ELP4: variants seen among roughly 807,000 people sequenced by gnomAD.
ELP4 encodes elongator complex protein 4.
ELP4 carries 51 observed loss-of-function variants against 48.9 expected under a neutral mutation model. That is an observed-to-expected ratio of 1.04 (90% CI 0.83 to 1.32). The LOEUF (loss-of-function observed/expected upper bound fraction) is 1.32, where lower values mean the gene tolerates loss of function less well. Ranked by LOEUF, ELP4 falls within the 40% of genes most tolerant of loss-of-function variation. The pLI is 0.00. For missense variants in ELP4, 519 were observed against 514.6 expected (o/e 1.01, Z -0.08); for synonymous variants, 210 against 189.2 (o/e 1.11, Z -0.90).
intron 3 of ELP4, among the ~76,000 whole-genome samples, chr11:31,558,529 C>T (rs1956964564): frequency 6.6e-6 from 1 of 152,098 alleles, no homozygotes; most frequent in Non-Finnish European, 1.5e-5. Flanking sequence ...ATGCTATGCC[C>T]TGTGATAGGA....
At chr11:31,586,526 A>C (rs1265649213) in intron 3 of ELP4, among the ~76,000 whole-genome samples, 1 of 152,210 alleles carries the variant, frequency 6.6e-6, no homozygotes, top group Non-Finnish European at 1.5e-5. Context: ...TCTTTGTCCA[A>C]AGACAGCAGA....
chr11:31,559,049 T>C (rs1366689173), intron 3 of ELP4, among the ~76,000 whole-genome samples: 2 of 152,150 alleles, frequency 1.3e-5, no homozygotes, highest in African/African-American at 4.8e-5. Flanking sequence ...GCTCCCCAAA[T>C]TAACATATTA....
intron 3 of ELP4, among the ~76,000 whole-genome samples, chr11:31,574,322 G>A (rs1025257404): frequency 1.3e-5 from 2 of 152,142 alleles, no homozygotes; most frequent in Non-Finnish European, 2.9e-5. Flanking sequence ...CCCAGCTAAG[G>A]AAACCTGCCT....
At chr11:31,771,969 G>A (rs537052227) in intron 9 of ELP4, among the ~76,000 whole-genome samples, 4 of 151,674 alleles carry the variant, frequency 2.6e-5, no homozygotes, top group African/African-American at 7.3e-5. Context: ...GCGACAGAGC[G>A]AGACTCCGTC....
chr11:31,709,400 C>T (rs1484434260), intron 9 of ELP4, among the ~76,000 whole-genome samples: 2 of 152,062 alleles, frequency 1.3e-5, no homozygotes, highest in Non-Finnish European at 2.9e-5. Context: ...TAATACTTAC[C>T]GAATGACCCA....
chr11:31,669,319 C>T (rs1339504636), intron 9 of ELP4, among the ~76,000 whole-genome samples: 4 of 151,968 alleles, frequency 2.6e-5, no homozygotes, highest in African/African-American at 9.7e-5. Flanking sequence ...CTCCTAACCT[C>T]GTCCGCCTGC....
At position 31,632,567 on chromosome 11, in the gene ELP4, T is replaced by A. The variant is rs186564761; in HGVS notation, c.927+162T>A. Reference sequence around the variant, plus strand: ...TTTGTCTGTCTTTTGTCCATTTTTTTATTGATAGTCTCATTATCAATTTGT... The same window carrying A: ...TTTGTCTGTCTTTTGTCCATTTTTTAATTGATAGTCTCATTATCAATTTGT... On this transcript the variant is annotated intron_variant, in intron 7 of 9. Transcript: ENST00000640961. 114 of 500,976 alleles carry A rather than the reference T, an allele frequency of 2.3e-4. No individual in the cohort carries two copies. In the East Asian group the frequency reaches 3.4e-3, roughly 15 times the overall value. The allele number at this position is 500,976 out of a possible 1,614,324, so 31.0% of individuals were successfully genotyped here.
chr11:31,536,552 A>G (rs531425297), intron 2 of ELP4, among the ~76,000 whole-genome samples: 7 of 152,246 alleles, frequency 4.6e-5, no homozygotes, highest in East Asian at 1.9e-4. Context: ...GGATTTCGCT[A>G]TGTTGGCCAG....
At chr11:31,630,227 C>CTTT (rs11441798) in intron 6 of ELP4, among the ~76,000 whole-genome samples, 93 of 128,368 alleles carry the variant, frequency 7.2e-4, no homozygotes, top group African/African-American at 1.0e-3. Context: ...TTCTAAAATC[C>CTTT]TTTTTTTTTT....
chr11:31,689,828 A>G (rs1946237924), intron 9 of ELP4, among the ~76,000 whole-genome samples: 1 of 152,022 alleles, frequency 6.6e-6, no homozygotes, highest in Admixed American at 6.5e-5. Context: ...GATAATTAGC[A>G]TCTTTCTCAT....
At chr11:31,615,057 T>C (rs555725860) in intron 5 of ELP4, among the ~76,000 whole-genome samples, 51 of 152,222 alleles carry the variant, frequency 3.4e-4, no homozygotes, top group Non-Finnish European at 7.5e-4. Flanking sequence ...ATTGTTCTCC[T>C]CTAGAAGAAT....
intron 9 of ELP4, among the ~76,000 whole-genome samples, chr11:31,709,677 A>G (rs564188981): frequency 6.6e-6 from 1 of 152,308 alleles, no homozygotes; most frequent in African/African-American, 2.4e-5. Context: ...AAATAAGATA[A>G]TAATAAAAAT....
At chr11:31,565,457 G>A (rs1306888579) in intron 3 of ELP4, among the ~76,000 whole-genome samples, 8 of 144,238 alleles carry the variant, frequency 5.5e-5, no homozygotes, top group Non-Finnish European at 1.2e-4. Context: ...CCATGCCTAT[G>A]TCCTGAATGG....
intron 9 of ELP4, among the ~76,000 whole-genome samples, chr11:31,715,779 C>G (rs1946831036): frequency 6.6e-6 from 1 of 152,164 alleles, no homozygotes; most frequent in African/African-American, 2.4e-5. Context: ...TCCTTTCCTG[C>G]CTCATTGGGT....
chr11:31,678,667 A>G (rs888612639), intron 9 of ELP4, among the ~76,000 whole-genome samples: 1 of 152,088 alleles, frequency 6.6e-6, no homozygotes, highest in Non-Finnish European at 1.5e-5. Flanking sequence ...ACTAAAGAAC[A>G]TCTTGGTTGC....
intron 5 of ELP4, among the ~76,000 whole-genome samples, chr11:31,613,936 C>T (rs1170996710): frequency 6.6e-6 from 1 of 151,978 alleles, no homozygotes; most frequent in Non-Finnish European, 1.5e-5. Flanking sequence ...GTCTAGAACT[C>T]CTGACCTCAA....
At chr11:31,711,757 C>G (rs1946747323) in intron 9 of ELP4, among the ~76,000 whole-genome samples, 1 of 152,036 alleles carries the variant, frequency 6.6e-6, no homozygotes, top group Non-Finnish European at 1.5e-5. Flanking sequence ...GTAGTAGGTA[C>G]AGCCTTAGTC....
At chr11:31,610,859 C>A (rs566163882) in intron 5 of ELP4, among the ~76,000 whole-genome samples, 4 of 152,320 alleles carry the variant, frequency 2.6e-5, no homozygotes, top group African/African-American at 9.6e-5. Flanking sequence ...TCAGTCATCT[C>A]CTCCACAGTT....
intron 3 of ELP4, among the ~76,000 whole-genome samples, chr11:31,557,279 A>G (rs1050611895): frequency 6.6e-6 from 1 of 151,866 alleles, no homozygotes; most frequent in Non-Finnish European, 1.5e-5. Flanking sequence ...TATTGAACTC[A>G]TTTGTTAGGA....
Sources: gnomAD v4.1 joint callset for allele counts (sites outside exome capture counted in the v4.1 genomes callset) on GRCh38, gnomAD v4.1.1 for gene constraint, MANE v1.5 for transcripts, NCBI Gene and HGNC (gene_info 2026-07-23, HGNC 2026-07-21) for gene names.